RYR2: variants seen among roughly 807,000 people sequenced by gnomAD.
RYR2 encodes cardiac muscle ryanodine receptor-calcium release channel.
RYR2 carries 227 observed loss-of-function variants against 601.1 expected under a neutral mutation model. The ratio of observed to expected loss-of-function variants is 0.38; its 90% confidence interval spans 0.34 to 0.42. RYR2 has a LOEUF of 0.42. Ranked by LOEUF, RYR2 falls within the 10% of genes least tolerant of loss-of-function variation. The pLI, the probability that RYR2 is intolerant of heterozygous loss-of-function variation, is 1.00. For missense variants in RYR2, 4,646 were observed against 6,156.5 expected (o/e 0.75, Z 8.21); for synonymous variants, 2,223 against 2,175.1 (o/e 1.02, Z -0.61).
At chr1:237,432,589 T>C (rs761547290) in intron 12 of RYR2, among the ~76,000 whole-genome samples, 6 of 152,142 alleles carry the variant, frequency 3.9e-5, no homozygotes, top group Non-Finnish European at 8.8e-5. Context: ...AACTTGAGCT[T>C]TCTGTAATCA....
At chr1:237,228,221 C>T (rs183949036) in intron 1 of RYR2, among the ~76,000 whole-genome samples, 16 of 152,230 alleles carry the variant, frequency 1.1e-4, no homozygotes, top group African/African-American at 3.1e-4. Context: ...TGAGAACATA[C>T]GATGTTTGCT....
chr1:237,434,046 T>C (rs771115943), intron 12 of RYR2, among the ~76,000 whole-genome samples: 7 of 152,196 alleles, frequency 4.6e-5, no homozygotes, highest in Non-Finnish European at 1.0e-4. Flanking sequence ...TTTAGGAGTT[T>C]TGGTTTTGAA....
intron 4 of RYR2, among the ~76,000 whole-genome samples, chr1:237,363,902 A>G (rs975830809): frequency 6.6e-6 from 1 of 152,180 alleles, no homozygotes; most frequent in African/African-American, 2.4e-5. Flanking sequence ...ATTGCAGCAT[A>G]TTAGTTTACG....
chr1:237,366,348 C>T (rs1200408897), intron 5 of RYR2, among the ~76,000 whole-genome samples: 3 of 152,128 alleles, frequency 2.0e-5, no homozygotes, highest in Non-Finnish European at 4.4e-5. Flanking sequence ...CAACTGAGGC[C>T]AGGATTCTCA....
intron 1 of RYR2, among the ~76,000 whole-genome samples, chr1:237,219,952 C>T (rs527650005): frequency 7.9e-5 from 12 of 152,212 alleles, no homozygotes; most frequent in Non-Finnish European, 1.6e-4. Flanking sequence ...CCAGGAATGA[C>T]GTTCAGCACA....
intron 102 of RYR2, among the ~76,000 whole-genome samples, chr1:237,829,386 C>A (rs975247506): frequency 2.0e-5 from 3 of 152,162 alleles, no homozygotes; most frequent in Admixed American, 6.5e-5. Flanking sequence ...CTGAATCCAT[C>A]TAGTTTCTGC....
chr1:237,121,436 T>C (rs1342045430), intron 1 of RYR2, among the ~76,000 whole-genome samples: 2 of 152,162 alleles, frequency 1.3e-5, no homozygotes, highest in African/African-American at 4.8e-5. Context: ...GAGAAAGCTG[T>C]TTACAGTAAA....
rs2275287 is a variant in RYR2 at position 237,270,325 on chromosome 1, C to T, written c.49-172C>T. 0.34 allele frequency: 305,254 copies of T among 902,560 alleles called. 55,912 individuals carry two copies. Among genetic ancestry groups the T allele is most frequent in the East Asian group, 0.73 (26,968 of 36,924 alleles). 55.9% of individuals were successfully genotyped at this position (902,560 alleles called of 1,614,324 possible). A position where few individuals can be genotyped will look rare whatever the true frequency, so the allele number is the denominator to read the frequency against. On this transcript the variant is annotated intron_variant, in intron 1 of 104. Coordinates refer to ENST00000366574, the MANE Select transcript of RYR2 (RefSeq NM_001035.3). Reference sequence around the variant, plus strand: ...GTTGCCTTTTTGCAAATAAAAAGTACGTGAGGGATTGATTCCGTAGGGGTT... The same window carrying T: ...GTTGCCTTTTTGCAAATAAAAAGTATGTGAGGGATTGATTCCGTAGGGGTT...
chr1:237,343,877 A>G (rs1392897251), intron 3 of RYR2, among the ~76,000 whole-genome samples: 1 of 143,118 alleles, frequency 7.0e-6, no homozygotes, highest in Non-Finnish European at 1.5e-5. Context: ...CTGGAGTGCT[A>G]TGGCATGGTC....
At chr1:237,773,814 G>A (rs571271205) in intron 87 of RYR2, among the ~76,000 whole-genome samples, 166 bp downstream of exon 87, 1 of 152,224 alleles carries the variant, frequency 6.6e-6, no homozygotes, top group Non-Finnish European at 1.5e-5. Context: ...GAATGAAATT[G>A]CTTCACCATT....
At chr1:237,381,028 A>G (rs926361472) in intron 8 of RYR2, among the ~76,000 whole-genome samples, 1 of 152,106 alleles carries the variant, frequency 6.6e-6, no homozygotes, top group African/African-American at 2.4e-5. Flanking sequence ...CAGTGAGCTG[A>G]GATCGCACCA....
intron 12 of RYR2, among the ~76,000 whole-genome samples, chr1:237,427,782 C>CAAA (rs57614793): frequency 8.2e-4 from 46 of 56,218 alleles, no homozygotes; most frequent in African/African-American, 6.3e-4. Context: ...GACTCTGCCT[C>CAAA]AAAAAAAAAA....
intron 2 of RYR2, among the ~76,000 whole-genome samples, chr1:237,308,784 C>A (rs1694195039): frequency 6.6e-6 from 1 of 152,212 alleles, no homozygotes; most frequent in Admixed American, 6.5e-5. Context: ...TGGAAAGGGA[C>A]CTGAGCAGGT....
chr1:237,779,641 T>C (rs1694940769), intron 88 of RYR2, among the ~76,000 whole-genome samples: 1 of 152,226 alleles, frequency 6.6e-6, no homozygotes, highest in African/African-American at 2.4e-5. Flanking sequence ...AATGACAATA[T>C]GCAGGATATA....
chr1:237,292,199 T>A (rs973578307), intron 2 of RYR2, among the ~76,000 whole-genome samples: 2 of 152,228 alleles, frequency 1.3e-5, no homozygotes, highest in Non-Finnish European at 2.9e-5. Context: ...ATACTGTATA[T>A]ACAGTGAAAC....
chr1:237,537,271 A>G (rs1371621547), intron 25 of RYR2, among the ~76,000 whole-genome samples: 1 of 152,212 alleles, frequency 6.6e-6, no homozygotes, highest in African/African-American at 2.4e-5. Flanking sequence ...TGAATTGGAA[A>G]CAATTTAAAT....
intron 1 of RYR2, among the ~76,000 whole-genome samples, chr1:237,218,981 G>A (rs910659187): frequency 1.3e-5 from 2 of 149,774 alleles, no homozygotes; most frequent in Non-Finnish European, 3.0e-5. Flanking sequence ...TGACCCACGT[G>A]ATCCATCTTT....
At chr1:237,389,774 A>G (rs1010879876) in intron 10 of RYR2, among the ~76,000 whole-genome samples, 2 of 152,192 alleles carry the variant, frequency 1.3e-5, no homozygotes, top group Admixed American at 1.3e-4. Context: ...AGTACAGTCT[A>G]TGAGACGTCC....
intron 1 of RYR2, among the ~76,000 whole-genome samples, chr1:237,122,612 G>A (rs913624896): frequency 3.9e-5 from 6 of 152,168 alleles, no homozygotes; most frequent in African/African-American, 1.4e-4. Context: ...AACCTAGGAG[G>A]TGGAGATTGC....
Sources: allele counts gnomAD v4.1 joint callset (sites outside exome capture counted in the v4.1 genomes callset), GRCh38; gene constraint gnomAD v4.1.1; transcripts MANE v1.5; gene names NCBI Gene and HGNC (gene_info 2026-07-23, HGNC 2026-07-21).